DLGAP2: variants seen among roughly 807,000 people sequenced by gnomAD.
DLGAP2 encodes disks large-associated protein 2.
Under a neutral mutation model 100.3 loss-of-function variants are expected in DLGAP2, and 26 were observed. That is an observed-to-expected ratio of 0.26 (90% confidence interval 0.19 to 0.36). The LOEUF (loss-of-function observed/expected upper bound fraction) is 0.36, where lower values mean the gene tolerates loss of function less well. Among genes scored for constraint, DLGAP2 ranks in the 10% least tolerant of loss-of-function variants. The probability of loss-of-function intolerance (pLI) is 1.00; values close to 1 mark genes in which losing one functional copy is unlikely to be tolerated. For missense variants in DLGAP2, 1,858 were observed against 1,453.2 expected (o/e 1.28, Z -4.53); for synonymous variants, 886 against 630.1 (o/e 1.41, Z -6.08).
chr8:944,702 C>G (rs890543748), intron 2 of DLGAP2, among the ~76,000 whole-genome samples: 1 of 151,340 alleles, frequency 6.6e-6, no homozygotes, highest in Non-Finnish European at 1.5e-5. Flanking sequence ...TTGGTAACGA[C>G]TTTGTGCAGG....
chr8:805,544 T>C (rs752987188), intron 1 of DLGAP2, among the ~76,000 whole-genome samples: 3 of 152,204 alleles, frequency 2.0e-5, no homozygotes, highest in Non-Finnish European at 4.4e-5. Context: ...AATGCCCTTG[T>C]GTCAGTTGTT....
intron 1 of DLGAP2, among the ~76,000 whole-genome samples, chr8:772,262 G>C (rs569758996): frequency 1.3e-5 from 2 of 152,166 alleles, no homozygotes; most frequent in Admixed American, 1.3e-4. Context: ...GCAAAATCAT[G>C]TTTAATAATA....
At position 1,065,179 on chromosome 8, in the gene DLGAP2, C is replaced by A. The variant is rs567617702; in HGVS notation, c.73+157213C>A. Among the ~76,000 whole-genome samples, 12 of 152,314 alleles carry A rather than the reference C, an allele frequency of 7.9e-5. No homozygotes were observed. In the South Asian group the frequency reaches 2.5e-3, roughly 32 times the overall value. ...CCCCTGAGCTTCTGTGCACACAACC[C>A]AGTGTTCGCTGAAGCTGTGTCTAAA... is the stretch of plus-strand genomic sequence containing the variant. On this transcript the variant is annotated intron_variant, in intron 2 of 14. Transcript: ENST00000637795.
At chr8:1,084,072 A>G (rs949265869) in intron 2 of DLGAP2, among the ~76,000 whole-genome samples, 2 of 152,142 alleles carry the variant, frequency 1.3e-5, no homozygotes, top group Non-Finnish European at 2.9e-5. Flanking sequence ...GTTTGGTCAC[A>G]TTTTATTATT....
intron 13 of DLGAP2, among the ~76,000 whole-genome samples, chr8:1,695,287 G>A (rs1799358723): frequency 2.7e-5 from 4 of 150,130 alleles, no homozygotes; most frequent in Admixed American, 2.6e-4. Flanking sequence ...TACAGAAAGA[G>A]GGGGCACAGT....
intron 2 of DLGAP2, among the ~76,000 whole-genome samples, chr8:1,007,199 G>A (rs1220843496): frequency 1.3e-5 from 2 of 152,302 alleles, no homozygotes; most frequent in Admixed American, 6.5e-5. Context: ...TCATGTCGGG[G>A]ACACCGTGCA....
intron 13 of DLGAP2, among the ~76,000 whole-genome samples, chr8:1,692,622 C>T (rs1719509052): frequency 6.6e-6 from 1 of 152,016 alleles, no homozygotes; most frequent in African/African-American, 2.4e-5. Context: ...ATTTCTATTA[C>T]GTCTAATGTC....
At chr8:1,377,762 C>A (rs1479356116) in intron 3 of DLGAP2, 1 of 140,180 alleles carries the variant, frequency 7.1e-6, no homozygotes, top group Admixed American at 7.0e-5. Flanking sequence ...TATTCTTGGT[C>A]CAGCACAGCT....
intron 4 of DLGAP2, among the ~76,000 whole-genome samples, chr8:1,544,013 C>A (rs956445422): frequency 6.6e-6 from 1 of 152,106 alleles, no homozygotes; most frequent in African/African-American, 2.4e-5. Context: ...AGCAATCCTC[C>A]CACATTAGCC....
At chr8:805,529 T>G (rs1373136004) in intron 1 of DLGAP2, among the ~76,000 whole-genome samples, 1 of 152,222 alleles carries the variant, frequency 6.6e-6, no homozygotes, top group African/African-American at 2.4e-5. Context: ...CGGGTTGCAT[T>G]TCACAATGCC....
chr8:1,239,185 G>A (rs1286402009), intron 2 of DLGAP2, among the ~76,000 whole-genome samples: 2 of 5,424 alleles, frequency 3.7e-4, no homozygotes, highest in Admixed American at 1.1e-3. Context: ...ACATGGTGCT[G>A]TGTCTAGTTC....
intron 10 of DLGAP2, 119 bp from the exon 11 acceptor site, chr8:1,676,414 C>A: frequency 1.9e-6 from 2 of 1,043,022 alleles, no homozygotes; most frequent in Non-Finnish European, 2.9e-6. Flanking sequence ...TCAAGTGCAC[C>A]GCTGCATTAA....
At chr8:1,554,051 G>T (rs539853587) in intron 5 of DLGAP2, among the ~76,000 whole-genome samples, 1 of 152,184 alleles carries the variant, frequency 6.6e-6, no homozygotes, top group Admixed American at 6.5e-5. Flanking sequence ...ACTTTGGGAG[G>T]CCAACGCAGG....
At chr8:1,205,263 G>GA in intron 2 of DLGAP2, among the ~76,000 whole-genome samples, 1 of 152,358 alleles carries the variant, frequency 6.6e-6, no homozygotes, top group East Asian at 1.9e-4. Context: ...TTTTATAGCT[G>GA]ATGTCGAGGA....
At chr8:868,242 C>T (rs749941125) in intron 1 of DLGAP2, among the ~76,000 whole-genome samples, 30 of 152,286 alleles carry the variant, frequency 2.0e-4, no homozygotes, top group Admixed American at 3.3e-4. Context: ...TGTGGGGTCA[C>T]ATGTTCTGGA....
chr8:1,412,480 C>A (rs1158473360), intron 3 of DLGAP2, among the ~76,000 whole-genome samples: 1 of 152,208 alleles, frequency 6.6e-6, no homozygotes, highest in South Asian at 2.1e-4. Context: ...GCTGAAATAT[C>A]CCACTGCTGC....
intron 2 of DLGAP2, among the ~76,000 whole-genome samples, chr8:1,141,907 A>G (rs961916828): frequency 1.3e-5 from 2 of 152,146 alleles, no homozygotes; most frequent in Non-Finnish European, 2.9e-5. Context: ...AATTTCTGAA[A>G]TGAACTCATT....
In DLGAP2 at chr8:1,708,118, T is replaced by C. The variant is rs1799753699; in HGVS notation, c.*6712T>C. Reference sequence around the variant, plus strand: ...ACTCTCAGCTGACTGTAAGAAACTGTGCACCGTTTCCGCCATAACCGTCCT... The same window carrying C: ...ACTCTCAGCTGACTGTAAGAAACTGCGCACCGTTTCCGCCATAACCGTCCT... On this transcript the variant is annotated 3_prime_UTR_variant, in exon 15 of 15. Transcript: ENST00000637795. 1 of 152,266 alleles carries C rather than the reference T, an allele frequency of 6.6e-6. No homozygotes were observed. Among genetic ancestry groups the C allele is most frequent in the Non-Finnish European group, 1.5e-5 (1 of 68,050 alleles). 9.4% of individuals were successfully genotyped at this position (152,266 alleles called of 1,614,324 possible).
intron 2 of DLGAP2, among the ~76,000 whole-genome samples, chr8:977,431 A>G (rs2129013406): frequency 6.6e-6 from 1 of 152,306 alleles, no homozygotes; most frequent in Admixed American, 6.5e-5. Context: ...TGAGGTCAAA[A>G]CTAGGTTTCT....
Sources: allele counts gnomAD v4.1 joint callset (sites outside exome capture counted in the v4.1 genomes callset), GRCh38; gene constraint gnomAD v4.1.1; transcripts MANE v1.5; gene names NCBI Gene and HGNC (gene_info 2026-07-23, HGNC 2026-07-21).